The following CIRSR variants were observed in gnomAD, a reference collection of about 807,000 sequenced individuals.
CIRSR encodes corepressor of RBPJ and splicing regulator.
At chr2:174,383,612 T>C in the CIRSR span, among the ~76,000 whole-genome samples, 2 of 148,444 alleles carry the variant, frequency 1.3e-5, no homozygotes, top group East Asian at 4.0e-4. Context: ...CCCAGCTATT[T>C]GGGAGGCTGA....
chr2:174,370,516 T>C, the CIRSR span, among the ~76,000 whole-genome samples: 2 of 152,278 alleles, frequency 1.3e-5, no homozygotes, highest in Non-Finnish European at 2.9e-5. Context: ...TAATTTGCTT[T>C]ATAGGTACCT....
chr2:174,349,507 G>A, the CIRSR span, among the ~76,000 whole-genome samples: 1 of 145,640 alleles, frequency 6.9e-6, no homozygotes, highest in African/African-American at 2.5e-5. Flanking sequence ...GGAGGTTGCA[G>A]TGAGTCAAAA....
At chr2:174,371,146 G>C in the CIRSR span, among the ~76,000 whole-genome samples, 1 of 152,094 alleles carries the variant, frequency 6.6e-6, no homozygotes, top group Admixed American at 6.6e-5. Flanking sequence ...GAGGGTGAGG[G>C]CTAACAGGTA....
At chr2:174,371,421 A>G in the CIRSR span, among the ~76,000 whole-genome samples, 1 of 152,240 alleles carries the variant, frequency 6.6e-6, no homozygotes, top group Non-Finnish European at 1.5e-5. Flanking sequence ...TAAGGGCTAT[A>G]GAATATAGAT....
At chr2:174,354,561 T>TA in the CIRSR span, among the ~76,000 whole-genome samples, 14 of 75,972 alleles carry the variant, frequency 1.8e-4, no homozygotes, top group African/African-American at 3.5e-4. Context: ...TTATATATAT[T>TA]TTATATATTA....
chr2:174,373,058 T>C, the CIRSR span, among the ~76,000 whole-genome samples: 206 of 152,370 alleles, frequency 1.4e-3, 4 homozygotes, highest in African/African-American at 4.7e-3. Flanking sequence ...TTTAAGCTGA[T>C]GGTTCTCAAC....
chr2:174,384,533 A>G, the CIRSR span, among the ~76,000 whole-genome samples: 1 of 152,224 alleles, frequency 6.6e-6, no homozygotes, highest in Non-Finnish European at 1.5e-5. Flanking sequence ...ATTTTACAAA[A>G]AAACCCACAG....
the CIRSR span, among the ~76,000 whole-genome samples, chr2:174,365,614 C>T: frequency 6.6e-6 from 1 of 152,320 alleles, no homozygotes; most frequent in South Asian, 2.1e-4. Context: ...CAAGGAGGAG[C>T]AAGTCACATC....
At chr2:174,367,537 G>A in the CIRSR span, among the ~76,000 whole-genome samples, 1 of 152,010 alleles carries the variant, frequency 6.6e-6, no homozygotes, top group African/African-American at 2.4e-5. Flanking sequence ...CCGAGATCAT[G>A]CCACTGCACT....
the CIRSR span, among the ~76,000 whole-genome samples, chr2:174,354,382 T>A: frequency 8.5e-5 from 10 of 117,636 alleles, no homozygotes; most frequent in Non-Finnish European, 1.3e-4. Context: ...ATATATTACT[T>A]ATATATGTAC....
the CIRSR span, among the ~76,000 whole-genome samples, chr2:174,357,629 T>C: frequency 6.6e-6 from 1 of 152,204 alleles, no homozygotes. Context: ...TGTCACTAAA[T>C]GTAAAAAGGA....
chr2:174,352,205 T>TCA, the CIRSR span, among the ~76,000 whole-genome samples: 13,322 of 150,298 alleles, frequency 0.089, 1,548 homozygotes, highest in African/African-American at 0.26. Flanking sequence ...TGGTTGCTAA[T>TCA]CACACACACA....
the CIRSR span, among the ~76,000 whole-genome samples, chr2:174,349,612 ATTGT>A: frequency 6.7e-6 from 1 of 150,284 alleles, no homozygotes; most frequent in Non-Finnish European, 1.5e-5. Flanking sequence ...ATATGAACGC[ATTGT>A]TTACTAAATG....
At chr2:174,348,701 C>T in the CIRSR span, 4 of 1,614,096 alleles carry the variant, frequency 2.5e-6, no homozygotes, top group Middle Eastern at 1.6e-4. Flanking sequence ...TCCTTTCCTC[C>T]CTGCCGTGGC....
chr2:174,378,898 G>T, the CIRSR span: 1 of 1,499,260 alleles, frequency 6.7e-7, no homozygotes, highest in South Asian at 1.1e-5. Context: ...GTCCTCTCCC[G>T]AAACAAATCA....
At chr2:174,353,555 C>T in the CIRSR span, among the ~76,000 whole-genome samples, 184 of 152,234 alleles carry the variant, frequency 1.2e-3, 2 homozygotes, top group South Asian at 0.038. Context: ...GCAACCTCCG[C>T]CACCTGGGTT....
chr2:174,366,336 A>C, the CIRSR span, among the ~76,000 whole-genome samples: 2 of 152,182 alleles, frequency 1.3e-5, no homozygotes, highest in Admixed American at 1.3e-4. Flanking sequence ...ACCAAACCAC[A>C]TATCCAGAGC....
chr2:174,366,675 ATCTAAAAG>A, the CIRSR span, among the ~76,000 whole-genome samples: 10 of 152,230 alleles, frequency 6.6e-5, no homozygotes, highest in Non-Finnish European at 1.2e-4. Flanking sequence ...TTCTTAACTG[ATCTAAAAG>A]ACAGGTTTGT....
chr2:174,392,101 G>A, the CIRSR span, among the ~76,000 whole-genome samples: 11 of 152,088 alleles, frequency 7.2e-5, 1 homozygote, highest in South Asian at 1.2e-3. Context: ...GGGTTCATGC[G>A]ATTCTCCCAC....
Sources: gnomAD v4.1 joint callset for allele counts (sites outside exome capture counted in the v4.1 genomes callset) on GRCh38, gnomAD v4.1.1 for gene constraint, MANE v1.5 for transcripts, NCBI Gene and HGNC (gene_info 2026-07-23, HGNC 2026-07-21) for gene names.